PLXNA4: variants seen among roughly 807,000 people sequenced by gnomAD.
PLXNA4 encodes the protein plexin-A4.
A neutral mutation model predicts 191.8 loss-of-function variants in PLXNA4; 44 were observed. The ratio of observed to expected loss-of-function variants is 0.23; its 90% CI spans 0.18 to 0.29. The LOEUF (loss-of-function observed/expected upper bound fraction) is 0.29. Ranked by LOEUF, PLXNA4 falls within the 10% of genes least tolerant of loss-of-function variation. PLXNA4 has a pLI of 1.00. For missense variants in PLXNA4, 1,800 were observed against 2,488.8 expected (o/e 0.72, Z 5.89); for synonymous variants, 1,082 against 1,009.5 (o/e 1.07, Z -1.36).
chr7:132,615,376 G>T (rs972176562), intron 2 of PLXNA4, among the ~76,000 whole-genome samples: 13 of 152,274 alleles, frequency 8.5e-5, no homozygotes, highest in African/African-American at 2.2e-4. Flanking sequence ...GACTGCCGCC[G>T]TGGGGACTTC....
chr7:132,488,793 G>A (rs1797662871), intron 3 of PLXNA4, among the ~76,000 whole-genome samples: 1 of 152,140 alleles, frequency 6.6e-6, no homozygotes, highest in African/African-American at 2.4e-5. Context: ...TGCACCCGTG[G>A]TTTTCTCAGC....
intron 3 of PLXNA4, among the ~76,000 whole-genome samples, chr7:132,374,555 C>T (rs1445870246): frequency 1.3e-5 from 2 of 152,174 alleles, no homozygotes; most frequent in East Asian, 1.9e-4. Flanking sequence ...CAGATGTCTG[C>T]AGAGAGGAAC....
intron 1 of PLXNA4, among the ~76,000 whole-genome samples, chr7:132,553,817 T>A (rs1800671999): frequency 1.3e-5 from 2 of 152,094 alleles, no homozygotes; most frequent in African/African-American, 4.8e-5. Flanking sequence ...GGGAGTGCTG[T>A]CCTCTCTGGT....
At chr7:132,397,367 C>G (rs1357953407) in intron 3 of PLXNA4, among the ~76,000 whole-genome samples, 3 of 152,132 alleles carry the variant, frequency 2.0e-5, no homozygotes, top group African/African-American at 7.2e-5. Context: ...AGTTTGGATA[C>G]TGAGATGCGT....
Position 132,609,890 on chromosome 7 carries a change from A to G in PLXNA4, c.-87+36038T>C, listed in dbSNP as rs149990918. On this transcript the variant is annotated intron_variant, in intron 2 of 4. Transcript: ENST00000378539. ...ACTCCATGAGCACTGGCTTTTATTTACCTTATATGGTGAAAAGAGAGATGC... is the reference window on the plus strand; with the variant it reads ...ACTCCATGAGCACTGGCTTTTATTTGCCTTATATGGTGAAAAGAGAGATGC... Among the ~76,000 whole-genome samples, 5 of 152,204 alleles carry G rather than the reference A, an allele frequency of 3.3e-5. No individual in the cohort carries two copies. In the East Asian group the frequency reaches 9.7e-4, roughly 30 times the overall value.
At chr7:132,454,936 G>C (rs897865416) in intron 3 of PLXNA4, among the ~76,000 whole-genome samples, 1 of 152,170 alleles carries the variant, frequency 6.6e-6, no homozygotes, top group African/African-American at 2.4e-5. Context: ...CCTGTCCTAC[G>C]GTGGGCTGTC....
chr7:132,492,654 G>A (rs1797852809), intron 2 of PLXNA4, among the ~76,000 whole-genome samples: 1 of 152,160 alleles, frequency 6.6e-6, no homozygotes, highest in South Asian at 2.1e-4. Context: ...TTGAATCTGG[G>A]GTGATGGGGG....
chr7:132,395,605 C>T (rs1202858491), intron 3 of PLXNA4, among the ~76,000 whole-genome samples: 2 of 152,232 alleles, frequency 1.3e-5, no homozygotes, highest in South Asian at 2.1e-4. Flanking sequence ...CAGGGGGAAG[C>T]AGCAGCCAGT....
At chr7:132,609,516 G>A (rs1025014822) in intron 2 of PLXNA4, among the ~76,000 whole-genome samples, 14 of 152,120 alleles carry the variant, frequency 9.2e-5, no homozygotes, top group Non-Finnish European at 1.6e-4. Context: ...TGTGGCTATC[G>A]TCATATGTAG....
chr7:132,271,952 T>C (rs189648457), intron 4 of PLXNA4, among the ~76,000 whole-genome samples: 2 of 152,158 alleles, frequency 1.3e-5, no homozygotes, highest in Admixed American at 6.5e-5. Flanking sequence ...AAAAAACAGA[T>C]GATAGGAAGA....
At chr7:132,294,999 C>T (rs1309288907) in intron 4 of PLXNA4, among the ~76,000 whole-genome samples, 1 of 152,184 alleles carries the variant, frequency 6.6e-6, no homozygotes, top group African/African-American at 2.4e-5. Flanking sequence ...TTAAGCTCCC[C>T]AGTCTGTGCT....
intron 28 of PLXNA4, 107 bp from the exon 29 acceptor site, chr7:132,145,395 A>C: frequency 6.7e-7 from 1 of 1,489,634 alleles, no homozygotes. Context: ...TATACAGCCC[A>C]CCCTACTTGG....
chr7:132,499,307 T>C lies in PLXNA4; in HGVS notation c.1188+8199A>G, dbSNP rs150814083. Reference sequence around the variant, plus strand: ...GAATAGTCTGGACAGGCCAGAGCTCTAGGCCAGCCTACCAAGAGAATTGAA... The same window carrying C: ...GAATAGTCTGGACAGGCCAGAGCTCCAGGCCAGCCTACCAAGAGAATTGAA... On this transcript the variant is annotated intron_variant, in intron 2 of 31. Transcript: ENST00000321063. Among the ~76,000 whole-genome samples the C allele has an allele frequency of 6.9e-3, 1,051 of 152,368 alleles. 45 individuals carry two copies. The highest frequency in any genetic ancestry group is 0.062 in the Admixed American group (946 of 15,314).
chr7:132,208,722 G>A (rs908032026), intron 10 of PLXNA4, among the ~76,000 whole-genome samples: 5 of 152,204 alleles, frequency 3.3e-5, no homozygotes, highest in South Asian at 2.1e-4. Flanking sequence ...TGAGGTCCAA[G>A]GATTCAACAC....
intron 2 of PLXNA4, among the ~76,000 whole-genome samples, chr7:132,495,725 G>A (rs80298012): frequency 0.013 from 2,053 of 152,270 alleles, 36 homozygotes; most frequent in African/African-American, 0.047. Flanking sequence ...ACTCCTGTCC[G>A]TTGCATAGGG....
In PLXNA4 at chr7:132,473,855, G is replaced by GAA. The variant is rs11384399; in HGVS notation, c.1371+15435_1371+15436dup. Among the ~76,000 whole-genome samples the GAA allele has an allele frequency of 3.0e-4, 44 of 145,994 alleles. No homozygotes were observed. In the South Asian group the frequency reaches 3.7e-3, roughly 12 times the overall value. ...ATGTGCAAGACTCCGTCTCAAACAA[G>GAA]AAAAAAAAAAAGAAATTAAAATGTA... On this transcript the variant is annotated intron_variant, in intron 3 of 31. Coordinates refer to ENST00000321063, the MANE Select transcript of PLXNA4 (RefSeq NM_020911.2).
At chr7:132,619,796 T>C (rs1205646412) in intron 2 of PLXNA4, among the ~76,000 whole-genome samples, 1 of 152,208 alleles carries the variant, frequency 6.6e-6, no homozygotes, top group Non-Finnish European at 1.5e-5. Context: ...CTCCTTGTTG[T>C]CCATTTTTCT....
chr7:132,378,566 C>T (rs1442892451), intron 3 of PLXNA4, among the ~76,000 whole-genome samples: 1 of 152,172 alleles, frequency 6.6e-6, no homozygotes, highest in African/African-American at 2.4e-5. Flanking sequence ...TCCCTAAAAA[C>T]TACCAGACAT....
intron 2 of PLXNA4, among the ~76,000 whole-genome samples, chr7:132,505,394 C>G (rs1798423588): frequency 6.6e-6 from 1 of 152,202 alleles, no homozygotes; most frequent in African/African-American, 2.4e-5. Flanking sequence ...CTCCCAAGAG[C>G]ATCGCCCAAA....
Sources: allele counts gnomAD v4.1 joint callset (sites outside exome capture counted in the v4.1 genomes callset), GRCh38; gene constraint gnomAD v4.1.1; transcripts MANE v1.5; gene names NCBI Gene and HGNC (gene_info 2026-07-23, HGNC 2026-07-21).